BRCA1: variants seen among roughly 807,000 people sequenced by gnomAD.
The protein encoded by BRCA1 is breast cancer type 1 susceptibility protein.
Under a neutral mutation model 173.7 loss-of-function variants are expected in BRCA1, and 140 were observed. The observed-to-expected ratio is 0.81, with a 90% CI of 0.70 to 0.93. The LOEUF (loss-of-function observed/expected upper bound fraction) is 0.93. Among genes scored for constraint, BRCA1 ranks in the 40% least tolerant of loss-of-function variants. BRCA1 has a pLI of 0.00. For synonymous variants in BRCA1, 662 were observed against 756.0 expected (o/e 0.88, Z 2.04); for missense variants, 1,983 against 2,172.5 (o/e 0.91, Z 1.73).
chr17:43,047,735 G>A (rs750565541), intron 21 of BRCA1, 32 bp from the exon 22 acceptor site: 39 of 1,612,026 alleles, frequency 2.4e-5, no homozygotes, highest in African/African-American at 5.3e-5. Flanking sequence ...AGCATTCAAA[G>A]TGTCAAAGTA....
chr17:43,082,568 T>A lies in BRCA1; in HGVS notation c.4193A>T (p.Asp1398Val), dbSNP rs761640584. Residue 1398 changes from aspartate (D) to valine (V), a missense_variant, in exon 12 of 23, where the codon GAT becomes GTT. Asp to Val is a radical substitution (Grantham distance 152). Transcript: ENST00000357654. Reference protein sequence around the residue: ...QSDILTTQQRDTMQHNLIKLQ... With the variant: ...QSDILTTQQRVTMQHNLIKLQ... ...CTTTATCAGGTTATGTTGCATGGTA[T>A]CCCTCTGCTTCAAAAACGATAAATG... 6.2e-7 allele frequency: 1 copy of A among 1,614,100 alleles called. No homozygotes were observed. Among genetic ancestry groups the A allele is most frequent in the Admixed American group, 1.7e-5 (1 of 60,014 alleles).
chr17:43,044,335 C>T lies in BRCA1; in HGVS notation c.*1343G>A, dbSNP rs1567754933. 1.0e-5 allele frequency: 5 copies of T among 492,958 alleles called. No individual in the cohort carries two copies. Among genetic ancestry groups the T allele is most frequent in the Admixed American group, 6.9e-5 (3 of 43,376 alleles). The allele number at this position is 492,958 out of a possible 1,614,324, so 30.5% of individuals were successfully genotyped here. A position where few individuals can be genotyped will look rare whatever the true frequency, so the allele number is the denominator to read the frequency against. On this transcript the variant is annotated 3_prime_UTR_variant, in exon 23 of 23. Transcript: ENST00000357654. ...CCAAGTTTATTTGCAGTGTTAACAG[C>T]ACAACATTTACAAAACGTATTTTGT...
rs1555592200 is a variant in BRCA1 at position 43,094,324 on chromosome 17, A to G, written c.1207T>C (p.Ser403Pro). Residue 403 changes from serine to proline, a missense_variant, in exon 10 of 23, where the codon TCT (serine) becomes CCT (proline). Transcript: ENST00000357654. ...LGSDDSHDGESESNAKVADVL... is the reference protein window; with the variant it reads ...LGSDDSHDGEPESNAKVADVL... ...TCAGCTACTTTGGCATTTGATTCAG[A>G]CTCCCCATCATGTGAGTCATCAGAA... 2 of 1,613,864 alleles carry G rather than the reference A, an allele frequency of 1.2e-6. No homozygotes were observed. The highest frequency in any genetic ancestry group is 1.7e-6 in the Non-Finnish European group (2 of 1,179,942).
At chr17:43,103,659 T>A (rs1384847250) in intron 6 of BRCA1, among the ~76,000 whole-genome samples, 4 of 152,100 alleles carry the variant, frequency 2.6e-5, no homozygotes, top group Non-Finnish European at 5.9e-5. Flanking sequence ...TACCCTGACC[T>A]TCTCTGAACT....
At chr17:43,063,287 TG>T in intron 18 of BRCA1, 45 bp downstream of exon 18, 1 of 1,481,982 alleles carries the variant, frequency 6.7e-7, no homozygotes, top group Non-Finnish European at 9.4e-7. Flanking sequence ...TTTAACTATA[TG>T]ACTGAATGAA....
Position 43,104,231 on chromosome 17 carries a change from T to G in BRCA1, c.332A>C (p.Glu111Ala), listed in dbSNP as rs80357312. ...TTTTAGATGTTCAGGAGAGTTATTT[T>G]CCTTTTTTGCAAAATTATAGCTGTT... ...YANSYNFAKK[E>A]NNSPEHLKDE... Residue 111 changes from glutamate to alanine, a missense_variant, in exon 6 of 23, where the codon GAA (glutamate) becomes GCA (alanine). Physicochemically the swap from Glu to Ala is moderately radical, Grantham distance 107 (BLOSUM62 -1). Coordinates refer to ENST00000357654, the MANE Select transcript of BRCA1 (RefSeq NM_007294.4). 4 of 1,612,740 alleles carry G rather than the reference T, an allele frequency of 2.5e-6. No individual in the cohort carries two copies. Among genetic ancestry groups the G allele is most frequent in the Non-Finnish European group, 3.4e-6 (4 of 1,178,858 alleles).
chr17:43,114,221 C>T (rs896815013), intron 3 of BRCA1, among the ~76,000 whole-genome samples: 3 of 152,106 alleles, frequency 2.0e-5, no homozygotes, highest in African/African-American at 7.2e-5. Flanking sequence ...GCAGGAGCTA[C>T]CACACTGGGC....
At chr17:43,071,976 C>T (rs919390247) in intron 14 of BRCA1, among the ~76,000 whole-genome samples, 1 of 151,618 alleles carries the variant, frequency 6.6e-6, no homozygotes, top group Admixed American at 6.6e-5. Flanking sequence ...CCATTGCATT[C>T]CAGCCTGGGC....
At position 43,094,205 on chromosome 17, in the gene BRCA1, A is replaced by T. The variant is rs397508854; in HGVS notation, c.1326T>A (p.Cys442Ter). 1.2e-6 allele frequency: 2 copies of T among 1,614,088 alleles called. No homozygotes were observed. Among genetic ancestry groups the T allele is most frequent in the Non-Finnish European group, 1.7e-6 (2 of 1,180,022 alleles). Residue 442 changes from cysteine to a stop codon, truncating the protein, a stop_gained, in exon 10 of 23, where the codon TGT becomes TGA. Coordinates refer to ENST00000357654, the MANE Select transcript of BRCA1 (RefSeq NM_007294.4). LOFTEE classifies it high-confidence loss of function. ...LASDPHEALI[C>*]KSERVHSKSV... ...ATTTGGAGTGAACTCTTTCACTTTT[A>T]CATATTAAAGCCTCATGAGGATCAC...
rs786201256 is a variant in BRCA1 at position 43,104,185 on chromosome 17, T to C, written c.378A>G (p.Gln126=). Residue 126 remains glutamine (Q), a synonymous_variant, in exon 6 of 23, where the codon CAA becomes CAG. Coordinates refer to ENST00000357654, the MANE Select transcript of BRCA1 (RefSeq NM_007294.4). ...TGGCACGGTTTCTGTAGCCCATACT[T>C]TGGATGATAGAAACTTCATCTTTTA... ...EHLKDEVSII[Q]SMGYRNRAKR... is the part of the protein sequence containing the mutation. 1.7e-5 allele frequency: 28 copies of C among 1,613,972 alleles called. No homozygotes were observed. The highest frequency in any genetic ancestry group is 2.4e-5 in the Non-Finnish European group (28 of 1,179,958).
chr17:43,081,269 A>G (rs1415960067), intron 12 of BRCA1, among the ~76,000 whole-genome samples: 4 of 152,242 alleles, frequency 2.6e-5, no homozygotes, highest in African/African-American at 9.6e-5. Flanking sequence ...CTAAATGAAG[A>G]TAGTTACAAA....
At chr17:43,138,593 G>T in intron 1 of BRCA1, 1 of 734,528 alleles carries the variant, frequency 1.4e-6, no homozygotes, top group African/African-American at 1.7e-5. Context: ...ACCATGCCTG[G>T]ATGTGGAGTT....
chr17:43,047,561 T>A (rs2050967414), intron 22 of BRCA1, 82 bp downstream of exon 22: 3 of 1,330,572 alleles, frequency 2.3e-6, no homozygotes, highest in Non-Finnish European at 3.3e-6. Context: ...AGAACTGTGC[T>A]ACTCAAGCAC....
rs80357309 is a variant in BRCA1 at position 43,082,506 on chromosome 17, C to A, written c.4255G>T (p.Glu1419Ter). The A allele has an allele frequency of 6.2e-7, 1 of 1,614,138 alleles. No individual in the cohort carries two copies. Among genetic ancestry groups the A allele is most frequent in the Non-Finnish European group, 8.5e-7 (1 of 1,180,016 alleles). Residue 1419 changes from glutamate (E) to a stop codon, truncating the protein, a stop_gained, in exon 12 of 23, where the codon GAA becomes TAA. Transcript: ENST00000357654. LOFTEE classifies it high-confidence loss of function. ...QEMAELEAVLEQHGSQPSNSY... is the reference protein window; with the variant it reads ...QEMAELEAVL ...TTAGAAGGCTGGCTCCCATGCTGTT[C>A]TAACACAGCTTCTAGTTCAGCCATT...
At chr17:43,108,680 C>T (rs1178178338) in intron 3 of BRCA1, among the ~76,000 whole-genome samples, 1 of 131,058 alleles carries the variant, frequency 7.6e-6, no homozygotes, top group Non-Finnish European at 1.5e-5. Context: ...GCACTCCACC[C>T]TGGGCAACAG....
chr17:43,080,785 A>G (rs918420405), intron 12 of BRCA1, among the ~76,000 whole-genome samples: 2 of 152,150 alleles, frequency 1.3e-5, no homozygotes, highest in African/African-American at 4.8e-5. Context: ...CAGCTTGGGC[A>G]ACAGAGCAAG....
intron 13 of BRCA1, 141 bp downstream of exon 13, chr17:43,076,347 G>T (rs1038809906): frequency 1.1e-5 from 11 of 999,020 alleles, no homozygotes; most frequent in Non-Finnish European, 1.6e-5. Context: ...TTAAACAAAA[G>T]AAGTATCCTA....
At chr17:43,058,129 G>A (rs1337288959) in intron 18 of BRCA1, among the ~76,000 whole-genome samples, 2 of 151,912 alleles carry the variant, frequency 1.3e-5, no homozygotes, top group African/African-American at 2.4e-5. Flanking sequence ...GGCACTTTGG[G>A]AGGCTGAGGC....
At chr17:43,141,725 T>TGGC (rs2154581454) in intron 1 of BRCA1, among the ~76,000 whole-genome samples, 1 of 151,476 alleles carries the variant, frequency 6.6e-6, no homozygotes, top group South Asian at 2.1e-4. Context: ...GGCAGGAGAA[T>TGGC]GGCGTGAACC....
Sources: allele counts gnomAD v4.1 joint callset (sites outside exome capture counted in the v4.1 genomes callset), GRCh38; gene constraint gnomAD v4.1.1; transcripts MANE v1.5; gene names NCBI Gene and HGNC (gene_info 2026-07-23, HGNC 2026-07-21).